INPP5A: variants seen among roughly 807,000 people sequenced by gnomAD.
The protein encoded by INPP5A is 43 kDa inositol polyphosphate 5-phophatase.
Under a neutral mutation model 65.2 loss-of-function variants are expected in INPP5A, and 14 were observed. That is an observed-to-expected ratio of 0.21 (90% confidence interval 0.14 to 0.34). INPP5A has a LOEUF of 0.34. Ranked by LOEUF, INPP5A falls within the 10% of genes least tolerant of loss-of-function variation. The pLI is 1.00. For synonymous variants in INPP5A, 207 were observed against 208.3 expected, an observed-to-expected ratio of 0.99 and a Z score of 0.05; for missense variants, 431 against 545.6, an observed-to-expected ratio of 0.79 and a Z score of 2.09.
Position 132,720,877 on chromosome 10 carries a change from G to T in INPP5A, c.648-5944G>T, listed in dbSNP as rs1374451113. On this transcript the variant is annotated intron_variant, in intron 8 of 15. Transcript: ENST00000368594. ...AGACGGCTGTCTTCAGGGATCTGTGGTACCTGGGTTCTGTCTGGGCGCCTT... is the reference window on the plus strand; with the variant it reads ...AGACGGCTGTCTTCAGGGATCTGTGTTACCTGGGTTCTGTCTGGGCGCCTT... 2.9e-4 allele frequency among the ~76,000 whole-genome samples: 43 copies of T among 150,132 alleles called. 1 individual carries two copies. The highest frequency in any genetic ancestry group is 1.1e-3 in the African/African-American group (43 of 40,814).
At chr10:132,642,366 C>T (rs980875811) in intron 2 of INPP5A, among the ~76,000 whole-genome samples, 1 of 152,244 alleles carries the variant, frequency 6.6e-6, no homozygotes, top group Non-Finnish European at 1.5e-5. Flanking sequence ...CGCCGGCCAT[C>T]CTCTCGCATC....
rs552040843 is a variant in INPP5A at position 132,644,145 on chromosome 10, G to A, written c.118-1723G>A. Among the ~76,000 whole-genome samples, 154 of 152,306 alleles carry A rather than the reference G, an allele frequency of 1.0e-3. No individual in the cohort carries two copies. The highest frequency in any genetic ancestry group is 3.3e-3 in the African/African-American group (139 of 41,564). On this transcript the variant is annotated intron_variant, in intron 2 of 15. Transcript: ENST00000368594. This position sits in a 1 kb window ranked among gnomAD's most constrained non-coding sequence, Gnocchi z 6.5. ...TGGCCCTTGGGAACCACGTTGGGCCGTCTGTTAGGGAGAAGTGCACTGCCT... is the reference window on the plus strand; with the variant it reads ...TGGCCCTTGGGAACCACGTTGGGCCATCTGTTAGGGAGAAGTGCACTGCCT...
chr10:132,710,305 T>C (rs760324252), intron 7 of INPP5A, 32 bp from the exon 8 acceptor site: 2 of 1,609,674 alleles, frequency 1.2e-6, no homozygotes, highest in Non-Finnish European at 1.7e-6. Flanking sequence ...CTCCGGCCCT[T>C]GGTGACGTGT....
At chr10:132,765,068 GACC>G (rs1565007984) in intron 11 of INPP5A, among the ~76,000 whole-genome samples, 5 of 145,418 alleles carry the variant, frequency 3.4e-5, no homozygotes, top group African/African-American at 1.3e-4. Context: ...TCAGAAACAC[GACC>G]GGGTCAGTCC....
intron 12 of INPP5A, among the ~76,000 whole-genome samples, chr10:132,774,130 G>A (rs1847003073): frequency 6.6e-6 from 1 of 152,104 alleles, no homozygotes; most frequent in African/African-American, 2.4e-5. Flanking sequence ...TGCCACAGCT[G>A]TAATCGTTTA....
chr10:132,764,526 G>A (rs1293251525), intron 11 of INPP5A, among the ~76,000 whole-genome samples: 4 of 144,128 alleles, frequency 2.8e-5, no homozygotes, highest in African/African-American at 7.7e-5. Flanking sequence ...TCAGGAACAC[G>A]GTCGGGCCAG....
rs2072957716 is a variant in INPP5A, at chr10:132,675,838, T to C, written c.307-14554T>C. Among the ~76,000 whole-genome samples the C allele has an allele frequency of 6.6e-6, 1 of 152,234 alleles. No individual in the cohort carries two copies. The highest frequency in any genetic ancestry group is 2.1e-4 in the South Asian group (1 of 4,828). The stretch of plus-strand genomic sequence containing the variant: ...GAGCTTTTGTACTGGCAGAAGGTAT[T>C]TTGTAAACAGCTTGTGTTCAGTGTT... On this transcript the variant is annotated intron_variant, in intron 4 of 15. Transcript: ENST00000368594. This position sits in a 1 kb window ranked among gnomAD's most constrained non-coding sequence, Gnocchi z 4.2.
chr10:132,664,080 A>G (rs1446332213), intron 4 of INPP5A, among the ~76,000 whole-genome samples: 2 of 152,260 alleles, frequency 1.3e-5, no homozygotes, highest in Non-Finnish European at 2.9e-5. Flanking sequence ...AAATCACTGA[A>G]GCAGTGAACA....
At chr10:132,576,517 G>T (rs1439236060) in intron 1 of INPP5A, among the ~76,000 whole-genome samples, 2 of 152,154 alleles carry the variant, frequency 1.3e-5, no homozygotes, top group Non-Finnish European at 2.9e-5. Context: ...GCTGGGAGGG[G>T]TCCTCTGCTC....
At chr10:132,737,211 G>A (rs1197140662) in intron 9 of INPP5A, among the ~76,000 whole-genome samples, 1 of 152,238 alleles carries the variant, frequency 6.6e-6, no homozygotes, top group Admixed American at 6.5e-5. Context: ...CGGACTCGAT[G>A]TGGCAACATG....
chr10:132,655,537 C>T (rs957312538), intron 4 of INPP5A, among the ~76,000 whole-genome samples: 8 of 152,252 alleles, frequency 5.3e-5, no homozygotes, highest in Non-Finnish European at 1.0e-4. Context: ...AGAGAGCCGA[C>T]GTCGGCCAGA....
At chr10:132,773,498 G>A (rs917536544) in intron 12 of INPP5A, among the ~76,000 whole-genome samples, 5 of 152,158 alleles carry the variant, frequency 3.3e-5, no homozygotes, top group South Asian at 4.1e-4. Context: ...CAAACTTTCC[G>A]TGGGCCATAA....
chr10:132,615,743 C>T (rs2072023043), intron 2 of INPP5A, among the ~76,000 whole-genome samples: 1 of 152,168 alleles, frequency 6.6e-6, no homozygotes, highest in Admixed American at 6.5e-5. Context: ...CTAAGAAGAC[C>T]CAGGAGAAGG....
In INPP5A at chr10:132,627,879, G is replaced by T. The variant is rs1397565171; in HGVS notation, c.118-17989G>T. On this transcript the variant is annotated intron_variant, in intron 2 of 15. Coordinates refer to ENST00000368594, the MANE Select transcript of INPP5A (RefSeq NM_005539.5). This position sits in a 1 kb window ranked among gnomAD's most constrained non-coding sequence, Gnocchi z 6.6. ...TGAGGCCGTGGAGAGAGCCGTGTGG[G>T]GGAGGTGCCCAGGCTGGAGTGGCGG... 6.6e-6 allele frequency among the ~76,000 whole-genome samples: 1 copy of T among 152,122 alleles called. No individual in the cohort carries two copies. Among genetic ancestry groups the T allele is most frequent in the Non-Finnish European group, 1.5e-5 (1 of 68,012 alleles).
chr10:132,576,742 A>C (rs2071415438), intron 1 of INPP5A, among the ~76,000 whole-genome samples: 1 of 152,220 alleles, frequency 6.6e-6, no homozygotes, highest in African/African-American at 2.4e-5. Flanking sequence ...CTTCTGAATT[A>C]AGCAGATCTC....
intron 12 of INPP5A, among the ~76,000 whole-genome samples, chr10:132,777,375 A>G (rs1172914725): frequency 1.3e-5 from 2 of 152,246 alleles, no homozygotes; most frequent in African/African-American, 2.4e-5. Context: ...ACTTTAGACC[A>G]TGTTCAAAAA....
chr10:132,741,612 G>A lies in INPP5A; in HGVS notation c.733-7905G>A, dbSNP rs1203564604. On this transcript the variant is annotated intron_variant, in intron 9 of 15. Coordinates refer to ENST00000368594, the MANE Select transcript of INPP5A (RefSeq NM_005539.5). The surrounding 1 kb of genome is among the most constrained non-coding windows in gnomAD (Gnocchi z 4.4). Reference sequence around the variant, plus strand: ...CTGCTGTCCACTCTGCAGAACCCCGGCCCTCGTCACACCCAGAACAGGATA... The same window carrying A: ...CTGCTGTCCACTCTGCAGAACCCCGACCCTCGTCACACCCAGAACAGGATA... Among the ~76,000 whole-genome samples the A allele has an allele frequency of 1.3e-5, 2 of 152,258 alleles. No homozygotes were observed. Among genetic ancestry groups the A allele is most frequent in the East Asian group, 3.9e-4 (2 of 5,180 alleles).
chr10:132,734,863 A>G (rs1436385693), intron 9 of INPP5A, among the ~76,000 whole-genome samples: 3 of 152,204 alleles, frequency 2.0e-5, no homozygotes, highest in African/African-American at 7.2e-5. Context: ...AGTGTCTTGC[A>G]GGGTCCTCGG....
chr10:132,640,286 T>C (rs112862288), intron 2 of INPP5A, among the ~76,000 whole-genome samples: 4,155 of 152,344 alleles, frequency 0.027, 79 homozygotes, highest in African/African-American at 0.046. Flanking sequence ...CTCTGCTCGC[T>C]CACGTGGGTT....
Sources: gnomAD v4.1 joint callset for allele counts (sites outside exome capture counted in the v4.1 genomes callset) on GRCh38, gnomAD v4.1.1 for gene constraint, Gnocchi (gnomAD v3.1) non-coding constraint, MANE v1.5 for transcripts, NCBI Gene and HGNC (gene_info 2026-07-23, HGNC 2026-07-21) for gene names.